The following POP4 variants were observed in gnomAD, a reference collection of about 807,000 sequenced individuals.
POP4 encodes the protein POP4 ribonuclease P/MRP subunit.
In POP4, 31 loss-of-function variants were observed where a neutral mutation model predicts 29.9. The observed-to-expected ratio is 1.04, with a 90% confidence interval of 0.78 to 1.40. The LOEUF (loss-of-function observed/expected upper bound fraction) is 1.40, where lower values mean the gene tolerates loss of function less well. POP4 is among the 40% of genes most tolerant of loss of function. The pLI, the probability that POP4 is intolerant of heterozygous loss-of-function variation, is 0.00. For missense variants in POP4, 286 were observed against 282.7 expected (o/e 1.01, Z -0.08); for synonymous variants, 110 against 108.2 (o/e 1.02, Z -0.10).
At chr19:29,610,748 G>C in intron 3 of POP4, 116 bp downstream of exon 3, 1 of 1,033,326 alleles carries the variant, frequency 9.7e-7, no homozygotes, top group Non-Finnish European at 1.4e-6. Flanking sequence ...GGGCCTCTCT[G>C]TCGTCTGCCA....
chr19:29,608,745 G>A, intron 2 of POP4, 36 bp downstream of exon 2: 2 of 1,599,568 alleles, frequency 1.3e-6, no homozygotes, highest in Non-Finnish European at 1.7e-6. Flanking sequence ...AGCAACAGAG[G>A]TGATGGCAAA....
chr19:29,608,185 C>T (rs1464038587), intron 1 of POP4, among the ~76,000 whole-genome samples: 1 of 151,402 alleles, frequency 6.6e-6, no homozygotes, highest in Non-Finnish European at 1.5e-5. Flanking sequence ...ATACCAACCT[C>T]ATCTTCTCCT....
At chr19:29,607,221 G>C (rs938415605) in intron 1 of POP4, among the ~76,000 whole-genome samples, 1 of 151,560 alleles carries the variant, frequency 6.6e-6, no homozygotes, top group Non-Finnish European at 1.5e-5. Flanking sequence ...ATCACTTGAG[G>C]CCAAGAGTTG....
At position 29,608,205 on chromosome 19, in the gene POP4, T is replaced by G. The variant is rs185070493; in HGVS notation, c.8-452T>G. Among the ~76,000 whole-genome samples the G allele has an allele frequency of 2.0e-3, 303 of 150,654 alleles. 1 individual carries two copies. The highest frequency in any genetic ancestry group is 0.017 in the Middle Eastern group (5 of 292). Reference sequence around the variant, plus strand: ...AACCTCATCTTCTCCTATCTCTGAATAAGCAGTTGTTCTGCTATAAGTGTA... The same window carrying G: ...AACCTCATCTTCTCCTATCTCTGAAGAAGCAGTTGTTCTGCTATAAGTGTA... On this transcript the variant is annotated intron_variant, in intron 1 of 6. Transcript: ENST00000585603.
At position 29,617,189 on chromosome 19, in the gene POP4, T is replaced by C. The variant is rs568451704; in HGVS notation, c.*1809T>C. The C allele has an allele frequency of 1.3e-5, 2 of 152,356 alleles. No individual in the cohort carries two copies. The highest frequency in any genetic ancestry group is 2.1e-4 in the South Asian group (1 of 4,828). 9.4% of individuals were successfully genotyped at this position (152,356 alleles called of 1,614,324 possible). A position where few individuals can be genotyped will look rare whatever the true frequency, so the allele number is the denominator to read the frequency against. On this transcript the variant is annotated 3_prime_UTR_variant, in exon 7 of 7. Coordinates refer to ENST00000585603, the MANE Select transcript of POP4 (RefSeq NM_006627.3). ...CCCGCTCTTACCCGCCCCTCTGCAA[T>C]GTAAAAGGCGTCCACTGTTGTGTAA... is the stretch of plus-strand genomic sequence containing the variant.
chr19:29,615,171 A>G, intron 6 of POP4, 73 bp from the exon 7 acceptor site: 1 of 1,423,718 alleles, frequency 7.0e-7, no homozygotes, highest in African/African-American at 1.5e-5. Flanking sequence ...ATAATATTCT[A>G]CCTAAAAGTA....
Position 29,610,487 on chromosome 19 carries a change from C to G in POP4, c.139C>G (p.Arg47Gly), listed in dbSNP as rs372777322. Residue 47 changes from arginine (R) to glycine (G), a missense_variant, in exon 3 of 7, where the codon CGC becomes GGC. By Grantham distance (125) the Arg-to-Gly change is moderately radical. Transcript: ENST00000585603. ...RSTPRMSPQA[R>G]EDQLQRKAVV... ...CACGCCCCGCATGAGCCCGCAGGCC[C>G]GCGAGGACCAGCTGCAGCGCAAGGC... 4.3e-6 allele frequency: 7 copies of G among 1,609,696 alleles called. No individual in the cohort carries two copies. The highest frequency in any genetic ancestry group is 1.7e-6 in the Non-Finnish European group (2 of 1,178,362).
rs1349838846 is a variant in POP4 at position 29,615,886 on chromosome 19, C to G, written c.*506C>G. On this transcript the variant is annotated 3_prime_UTR_variant, in exon 7 of 7. Coordinates refer to ENST00000585603, the MANE Select transcript of POP4 (RefSeq NM_006627.3). ...CAGAGGCTCGCCTTTGGGTGGAACT[C>G]TGACCCACCTAAGGTTTACTTTGCT... 1 of 152,960 alleles carries G rather than the reference C, an allele frequency of 6.5e-6. No homozygotes were observed. Among genetic ancestry groups the G allele is most frequent in the Non-Finnish European group, 1.5e-5 (1 of 68,578 alleles). 9.5% of individuals were successfully genotyped at this position (152,960 alleles called of 1,614,324 possible). A position where few individuals can be genotyped will look rare whatever the true frequency, so the allele number is the denominator to read the frequency against.
chr19:29,615,229 T>TC lies in POP4; in HGVS notation c.527-15_527-14insC. 1 of 1,505,610 alleles carries TC rather than the reference T, an allele frequency of 6.6e-7. No individual in the cohort carries two copies. Among genetic ancestry groups the TC allele is most frequent in the Non-Finnish European group, 8.9e-7 (1 of 1,129,444 alleles). The allele number at this position is 1,505,610 out of a possible 1,614,324, so 93.3% of individuals were successfully genotyped here. A position where few individuals can be genotyped will look rare whatever the true frequency, so the allele number is the denominator to read the frequency against. ...TCATCTTTTTTTCTCCTGCCTTTTT[T>TC]TTTTTTTTTTTCAGTTATCCCCAAG... On this transcript the variant is annotated splice_polypyrimidine_tract_variant and intron_variant, in intron 6 of 6. Transcript: ENST00000585603.
intron 3 of POP4, 184 bp from the exon 4 acceptor site, chr19:29,611,678 G>A: frequency 3.3e-6 from 2 of 597,876 alleles, no homozygotes; most frequent in Admixed American, 3.0e-5. Context: ...AGGAAACTGA[G>A]GTTAGAGAGG....
intron 1 of POP4, 80 bp from the exon 2 acceptor site, chr19:29,608,577 T>C (rs1971031280): frequency 7.0e-7 from 1 of 1,428,632 alleles, no homozygotes. Flanking sequence ...GTGGCGTAGT[T>C]ATTTTCATAG....
chr19:29,611,693 G>A (rs149832024), intron 3 of POP4, 169 bp from the exon 4 acceptor site: 210 of 619,958 alleles, frequency 3.4e-4, no homozygotes, highest in Admixed American at 8.4e-4. Context: ...GAGAGGTGTA[G>A]GTTCTTGGTC....
intron 2 of POP4, chr19:29,610,150 G>A: frequency 4.1e-6 from 2 of 488,548 alleles, no homozygotes; most frequent in South Asian, 6.0e-5. Flanking sequence ...CAGAAAAGCA[G>A]GGCCAGAGCA....
At chr19:29,612,303 C>G (rs117627903) in intron 5 of POP4, 125 bp downstream of exon 5, 1 of 888,880 alleles carries the variant, frequency 1.1e-6, no homozygotes, top group African/African-American at 1.7e-5. Flanking sequence ...AGATGGCCCC[C>G]AGTCACCATC....
chr19:29,610,223 G>A (rs1298748913), intron 2 of POP4, 186 bp from the exon 3 acceptor site: 2 of 599,074 alleles, frequency 3.3e-6, no homozygotes, highest in Non-Finnish European at 5.9e-6. Context: ...GTGTGAGTGT[G>A]ACTTACATCT....
rs755386903 is a variant in POP4, at chr19:29,615,281, C to T, written c.564C>T (p.Thr188=). The stretch of plus-strand genomic sequence containing the variant: ...TAAACTGCGTGTTCACTGTGGAAAC[C>T]GATGGCTTTATTTCCTACATTTACG... ...PKLNCVFTVE[T]DGFISYIYGS... Residue 188 remains threonine, a synonymous_variant, in exon 7 of 7, where the codon ACC becomes ACT. Coordinates refer to ENST00000585603, the MANE Select transcript of POP4 (RefSeq NM_006627.3). 1.6e-5 allele frequency: 25 copies of T among 1,609,528 alleles called. No individual in the cohort carries two copies. Among genetic ancestry groups the T allele is most frequent in the African/African-American group, 1.4e-4 (10 of 73,824 alleles).
At chr19:29,613,762 T>C in intron 5 of POP4, 109 bp from the exon 6 acceptor site, 4 of 1,487,702 alleles carry the variant, frequency 2.7e-6, no homozygotes, top group Non-Finnish European at 3.6e-6. Flanking sequence ...TTCTTTCATC[T>C]GCTAGCTCAG....
At chr19:29,614,288 C>T (rs1397010589) in intron 6 of POP4, among the ~76,000 whole-genome samples, 5 of 152,218 alleles carry the variant, frequency 3.3e-5, no homozygotes, top group Admixed American at 3.3e-4. Context: ...AAGGCTGCTG[C>T]TCCCAGAGGA....
At chr19:29,611,780 A>C (rs1971071824) in intron 3 of POP4, 82 bp from the exon 4 acceptor site, 2 of 1,179,762 alleles carry the variant, frequency 1.7e-6, no homozygotes, top group Admixed American at 3.7e-5. Context: ...TGTTGGCATC[A>C]AGTCAAGCTC....
Sources: gnomAD v4.1 joint callset for allele counts (sites outside exome capture counted in the v4.1 genomes callset) on GRCh38, gnomAD v4.1.1 for gene constraint, MANE v1.5 for transcripts, NCBI Gene and HGNC (gene_info 2026-07-23, HGNC 2026-07-21) for gene names.